Variants in SPINT2 observed in about 807,000 individuals in gnomAD.
The protein encoded by SPINT2 is serine peptidase inhibitor, Kunitz type 2, also known as kunitz-type protease inhibitor 2.
In SPINT2, 18 loss-of-function variants were observed where a neutral mutation model predicts 30.1. The ratio of observed to expected loss-of-function variants is 0.60; its 90% CI spans 0.41 to 0.89. The LOEUF (loss-of-function observed/expected upper bound fraction) is 0.89, where lower values mean the gene tolerates loss of function less well. SPINT2 is among the 40% of genes least tolerant of loss of function. The probability of loss-of-function intolerance (pLI) is 0.00; values close to 1 mark genes in which losing one functional copy is unlikely to be tolerated. For synonymous variants in SPINT2, 139 were observed against 137.9 expected, an observed-to-expected ratio of 1.01 and a Z score of -0.05; for missense variants, 276 against 334.3, an observed-to-expected ratio of 0.83 and a Z score of 1.36.
chr19:38,266,591 G>T (rs1252567328), intron 1 of SPINT2, among the ~76,000 whole-genome samples: 2 of 151,852 alleles, frequency 1.3e-5, no homozygotes, highest in South Asian at 2.1e-4. Context: ...CAGGAGAATC[G>T]CTTGAAGCCC....
intron 1 of SPINT2, 79 bp downstream of exon 1, chr19:38,265,077 A>G: frequency 6.2e-6 from 6 of 973,782 alleles, no homozygotes; most frequent in South Asian, 3.7e-5. Flanking sequence ...GAGCAGGGAG[A>G]ACTGGCGGGG....
intron 1 of SPINT2, among the ~76,000 whole-genome samples, chr19:38,270,765 C>T (rs1356766902): frequency 6.6e-6 from 1 of 152,230 alleles, no homozygotes; most frequent in Non-Finnish European, 1.5e-5. Context: ...TACCCATCCC[C>T]AGCCATTTGC....
At chr19:38,277,390 G>A (rs1401988959) in intron 1 of SPINT2, among the ~76,000 whole-genome samples, 1 of 151,720 alleles carries the variant, frequency 6.6e-6, no homozygotes, top group Non-Finnish European at 1.5e-5. Context: ...GACTGCAGGT[G>A]CACACCACCA....
In SPINT2 at chr19:38,273,953, A is replaced by G. The variant is rs866949348; in HGVS notation, c.106+8955A>G. Among the ~76,000 whole-genome samples, 6 of 152,200 alleles carry G rather than the reference A, an allele frequency of 3.9e-5. 1 individual carries two copies. The South Asian group carries it at 6.2e-4, about 16-fold the overall frequency. On this transcript the variant is annotated intron_variant, in intron 1 of 6. Transcript: ENST00000301244. ...TTTGTTAAAAGTTTTGTGCTAGGCCAGGTGCGGTGGCTCACGCCTGTAATC... is the reference window on the plus strand; with the variant it reads ...TTTGTTAAAAGTTTTGTGCTAGGCCGGGTGCGGTGGCTCACGCCTGTAATC...
chr19:38,284,024 G>A (rs74849555), intron 2 of SPINT2, among the ~76,000 whole-genome samples: 2 of 151,426 alleles, frequency 1.3e-5, no homozygotes, highest in African/African-American at 2.4e-5. Context: ...TGTGTTTTTA[G>A]TAGAGACATG....
At chr19:38,286,169 C>T (rs931030300) in intron 2 of SPINT2, among the ~76,000 whole-genome samples, 9 of 152,140 alleles carry the variant, frequency 5.9e-5, no homozygotes, top group East Asian at 1.9e-4. Flanking sequence ...GGTCCTTTGC[C>T]GGCATATTCT....
Position 38,265,002 on chromosome 19 carries a change from A to G in SPINT2, c.106+4A>G. On this transcript the variant is annotated splice_donor_region_variant and intron_variant, in intron 1 of 6. Transcript: ENST00000301244. ...GACCGAGAACGCAGCATCCACGGTGAGGGCCGGGCGGGTAGGCTGGAGGCG... is the reference window on the plus strand; with the variant it reads ...GACCGAGAACGCAGCATCCACGGTGGGGGCCGGGCGGGTAGGCTGGAGGCG... 7.4e-7 allele frequency: 1 copy of G among 1,355,288 alleles called. No individual in the cohort carries two copies. Among genetic ancestry groups the G allele is most frequent in the South Asian group, 1.6e-5 (1 of 63,154 alleles). The allele number at this position is 1,355,288 out of a possible 1,614,324, so 84.0% of individuals were successfully genotyped here.
intron 2 of SPINT2, among the ~76,000 whole-genome samples, chr19:38,284,036 T>A (rs1968613459): frequency 6.6e-6 from 1 of 151,918 alleles, no homozygotes. Context: ...AGAGACATGG[T>A]TTCACCTTGT....
At chr19:38,274,825 A>AC (rs1050074382) in intron 1 of SPINT2, among the ~76,000 whole-genome samples, 6 of 151,730 alleles carry the variant, frequency 4.0e-5, no homozygotes, top group African/African-American at 1.5e-4. Flanking sequence ...AAAAAAAAAA[A>AC]AACATAAAAT....
At chr19:38,276,107 G>A (rs900251764) in intron 1 of SPINT2, among the ~76,000 whole-genome samples, 8 of 152,108 alleles carry the variant, frequency 5.3e-5, no homozygotes, top group South Asian at 2.1e-4. Flanking sequence ...ACACACTGAC[G>A]GGCAGGCCAA....
Position 38,264,888 on chromosome 19 carries a change from T to G in SPINT2, c.-5T>G. 5.9e-6 allele frequency: 9 copies of G among 1,533,858 alleles called. No individual in the cohort carries two copies. Among genetic ancestry groups the G allele is most frequent in the Non-Finnish European group, 7.0e-6 (8 of 1,145,526 alleles). ...CGTCGCCTGCGCGTCTCGGCTGAGC[T>G]GGCCATGGCGCAGCTGTGCGGGCTG... On this transcript the variant is annotated 5_prime_UTR_variant, in exon 1 of 7. Transcript: ENST00000301244.
rs144062571 is a variant in SPINT2 at position 38,291,911 on chromosome 19, C to G, written c.664C>G (p.Arg222Gly). 3.1e-6 allele frequency: 5 copies of G among 1,614,042 alleles called. 1 individual carries two copies. Among genetic ancestry groups the G allele is most frequent in the East Asian group, 4.5e-5 (2 of 44,872 alleles). The change falls in exon 7 of 7, where the codon CGG becomes GGG. Residue 222 changes from arginine to glycine, a missense_variant. Arg to Gly is a moderately radical substitution (Grantham distance 125). Transcript: ENST00000301244. ...GGGAGCCTCCATGGTCTACCTGATC[C>G]GGGTGGCACGGAGGAACCAGGAGCG... is the stretch of plus-strand genomic sequence containing the variant. ...FLGASMVYLI[R>G]VARRNQERAL...
chr19:38,289,298 C>T, intron 4 of SPINT2, 107 bp downstream of exon 4: 1 of 941,430 alleles, frequency 1.1e-6, no homozygotes, highest in Non-Finnish European at 1.7e-6. Context: ...ACCATCCTAA[C>T]ATGGTGAAAC....
Position 38,283,702 on chromosome 19 carries a change from G to A in SPINT2, c.182G>A (p.Gly61Glu), listed in dbSNP as rs764998709. The A allele has an allele frequency of 6.2e-7, 1 of 1,614,196 alleles. No homozygotes were observed. ...AGGTGGTGGTACAATGTCACTGACG[G>A]ATCCTGCCAGCTGTTTGTGTATGGG... Reference protein sequence around the residue: ...MPRWWYNVTDGSCQLFVYGGC... With the variant: ...MPRWWYNVTDESCQLFVYGGC... Residue 61 changes from glycine (G) to glutamate (E), a missense_variant, in exon 2 of 7, where the codon GGA becomes GAA. Physicochemically the swap from Gly to Glu is moderately conservative, Grantham distance 98 (BLOSUM62 -2). Coordinates refer to ENST00000301244, the MANE Select transcript of SPINT2 (RefSeq NM_021102.4).
intron 1 of SPINT2, among the ~76,000 whole-genome samples, chr19:38,266,693 C>T (rs1311461668): frequency 6.7e-6 from 1 of 150,200 alleles, no homozygotes; most frequent in Non-Finnish European, 1.5e-5. Context: ...AAAAAAAGAG[C>T]AGGCTAGGTG....
At chr19:38,272,769 G>A (rs189667566) in intron 1 of SPINT2, among the ~76,000 whole-genome samples, 2 of 152,292 alleles carry the variant, frequency 1.3e-5, no homozygotes, top group Admixed American at 1.3e-4. Context: ...CCAGACTCTG[G>A]AGTGCAGTGG....
chr19:38,290,335 T>A lies in SPINT2; in HGVS notation c.553+55T>A. ...CCCTGCCCTTGAGGACCCCGGTCCA[T>A]CTCCCCATCCCTAAAATATGAAGGC... On this transcript the variant is annotated intron_variant, in intron 5 of 6. Transcript: ENST00000301244. The surrounding 1 kb of genome is among the most constrained non-coding windows in gnomAD (Gnocchi z 4.3). 2 of 1,596,640 alleles carry A rather than the reference T, an allele frequency of 1.3e-6. No homozygotes were observed. The highest frequency in any genetic ancestry group is 1.7e-6 in the Non-Finnish European group (2 of 1,172,324).
chr19:38,275,931 T>C (rs1466946243), intron 1 of SPINT2, among the ~76,000 whole-genome samples: 1 of 150,834 alleles, frequency 6.6e-6, no homozygotes, highest in African/African-American at 2.4e-5. Context: ...TTCTCCATAT[T>C]GGTCAGGCTG....
rs551979467 is a variant in SPINT2 at position 38,283,229 on chromosome 19, C to T, written c.107-398C>T. 3.1e-4 allele frequency among the ~76,000 whole-genome samples: 47 copies of T among 152,172 alleles called. No individual in the cohort carries two copies. The East Asian group carries it at 3.5e-3, about 11-fold the overall frequency. On this transcript the variant is annotated intron_variant, in intron 1 of 6. Coordinates refer to ENST00000301244, the MANE Select transcript of SPINT2 (RefSeq NM_021102.4). Reference sequence around the variant, plus strand: ...GCTTAGGAGGGTGAGGCAAAAGAATCGTTTGAACCTGGGAGGCAGAGGTTG... The same window carrying T: ...GCTTAGGAGGGTGAGGCAAAAGAATTGTTTGAACCTGGGAGGCAGAGGTTG...
Sources: gnomAD v4.1 joint callset for allele counts (sites outside exome capture counted in the v4.1 genomes callset) on GRCh38, gnomAD v4.1.1 for gene constraint, Gnocchi (gnomAD v3.1) non-coding constraint, MANE v1.5 for transcripts, NCBI Gene and HGNC (gene_info 2026-07-23, HGNC 2026-07-21) for gene names.